The following ASCC3 variants were observed in gnomAD, a reference collection of about 807,000 sequenced individuals.
ASCC3 encodes activating signal cointegrator 1 complex subunit 3.
ASCC3 carries 158 observed loss-of-function variants against 256.3 expected under a neutral mutation model. That is an observed-to-expected ratio of 0.62 (90% CI 0.54 to 0.70). The LOEUF is 0.70. ASCC3 is among the 30% of genes least tolerant of loss of function. ASCC3 has a pLI of 0.00. For missense variants in ASCC3, 2,259 were observed against 2,626.0 expected, an observed-to-expected ratio of 0.86 and a Z score of 3.05; for synonymous variants, 948 against 883.4, an observed-to-expected ratio of 1.07 and a Z score of -1.30.
chr6:100,752,879 G>GA (rs1423713094), intron 10 of ASCC3, among the ~76,000 whole-genome samples: 1 of 151,756 alleles, frequency 6.6e-6, no homozygotes, highest in Non-Finnish European at 1.5e-5. Flanking sequence ...GAGTAAGTAT[G>GA]AAAAAAGGAG....
intron 29 of ASCC3, among the ~76,000 whole-genome samples, chr6:100,626,507 A>G (rs114532794): frequency 0.014 from 2,133 of 152,164 alleles, 39 homozygotes; most frequent in African/African-American, 0.049. Flanking sequence ...TGCTGATACC[A>G]TTTCTATGGA....
intron 4 of ASCC3, among the ~76,000 whole-genome samples, chr6:100,809,123 C>T (rs531492444): frequency 2.6e-4 from 39 of 151,608 alleles, no homozygotes; most frequent in Non-Finnish European, 4.7e-4. Context: ...AATGTACTAC[C>T]GTAGACTTTA....
chr6:100,725,777 G>T, intron 10 of ASCC3, 74 bp from the exon 11 acceptor site: 1 of 1,552,208 alleles, frequency 6.4e-7, no homozygotes, highest in Non-Finnish European at 8.9e-7. Flanking sequence ...TACTCAGAAA[G>T]AAATATTTTG....
At chr6:100,619,725 A>C (rs974866012) in intron 30 of ASCC3, among the ~76,000 whole-genome samples, 1 of 152,178 alleles carries the variant, frequency 6.6e-6, no homozygotes, top group Non-Finnish European at 1.5e-5. Flanking sequence ...AACATATTTT[A>C]ACTAATATAT....
At chr6:100,760,781 A>G (rs892143062) in intron 10 of ASCC3, among the ~76,000 whole-genome samples, 25 of 152,354 alleles carry the variant, frequency 1.6e-4, no homozygotes, top group Admixed American at 1.3e-3. Context: ...ATCCAGACAG[A>G]ACAGCAGAGC....
intron 10 of ASCC3, among the ~76,000 whole-genome samples, chr6:100,748,950 A>C (rs1222341645): frequency 6.6e-6 from 1 of 151,860 alleles, no homozygotes; most frequent in African/African-American, 2.4e-5. Flanking sequence ...ACCAGACCCA[A>C]GGAATCTCTG....
chr6:100,674,455 C>A (rs533214744), intron 14 of ASCC3, among the ~76,000 whole-genome samples: 3 of 152,096 alleles, frequency 2.0e-5, no homozygotes, highest in African/African-American at 7.2e-5. Context: ...AACCTGCTTA[C>A]TGCTTTTTAC....
chr6:100,726,253 C>A (rs902836268), intron 10 of ASCC3, among the ~76,000 whole-genome samples: 1 of 151,698 alleles, frequency 6.6e-6, no homozygotes, highest in African/African-American at 2.4e-5. Context: ...AAAAAGACAC[C>A]ATAATTCTCC....
At chr6:100,867,746 A>C (rs705604) in intron 2 of ASCC3, among the ~76,000 whole-genome samples, 162 bp downstream of exon 2, 107,363 of 152,026 alleles carry the variant, frequency 0.71, 38,143 homozygotes, top group East Asian at 0.75. Context: ...CGTAAGTATT[A>C]CCATAGTAAA....
chr6:100,588,821 A>G (rs1420936507), intron 36 of ASCC3, among the ~76,000 whole-genome samples: 1 of 152,130 alleles, frequency 6.6e-6, no homozygotes, highest in Non-Finnish European at 1.5e-5. Flanking sequence ...GAAAAAAGTT[A>G]CTAAGTGAAC....
chr6:100,685,802 A>C (rs1313776382), intron 13 of ASCC3, among the ~76,000 whole-genome samples: 2 of 152,244 alleles, frequency 1.3e-5, no homozygotes, highest in Admixed American at 1.3e-4. Context: ...TATCAGGTAG[A>C]TACAATTTTA....
chr6:100,613,015 T>C (rs77408170), intron 30 of ASCC3, among the ~76,000 whole-genome samples: 2,124 of 152,112 alleles, frequency 0.014, 39 homozygotes, highest in African/African-American at 0.049. Flanking sequence ...TACACAATAC[T>C]ATTTTCAATG....
intron 24 of ASCC3, among the ~76,000 whole-genome samples, chr6:100,642,245 G>A (rs1441649746): frequency 6.6e-6 from 1 of 151,526 alleles, no homozygotes; most frequent in Non-Finnish European, 1.5e-5. Flanking sequence ...CCATTCCATA[G>A]TGATACCATA....
chr6:100,632,120 G>A (rs908026052), intron 25 of ASCC3, among the ~76,000 whole-genome samples: 7 of 147,528 alleles, frequency 4.7e-5, no homozygotes, highest in East Asian at 2.0e-4. Context: ...AATTCAATAC[G>A]CTTGAAGGAC....
chr6:100,871,489 C>G (rs1239688545), intron 1 of ASCC3, among the ~76,000 whole-genome samples: 2 of 152,080 alleles, frequency 1.3e-5, no homozygotes, highest in Non-Finnish European at 2.9e-5. Flanking sequence ...GGACTGGGGG[C>G]CAGGCACAGT....
At chr6:100,746,778 G>C (rs1396606679) in intron 10 of ASCC3, among the ~76,000 whole-genome samples, 8 of 152,084 alleles carry the variant, frequency 5.3e-5, no homozygotes, top group African/African-American at 1.9e-4. Flanking sequence ...GACTTAACCA[G>C]ATTTCAAAAC....
At chr6:100,854,260 T>C (rs1484286914) in intron 3 of ASCC3, among the ~76,000 whole-genome samples, 2 of 152,002 alleles carry the variant, frequency 1.3e-5, no homozygotes, top group African/African-American at 4.8e-5. Context: ...ATGTGGCTTT[T>C]GGGGGAATAA....
chr6:100,623,549 T>C (rs1346201983), intron 30 of ASCC3, among the ~76,000 whole-genome samples: 1 of 152,038 alleles, frequency 6.6e-6, no homozygotes, highest in Non-Finnish European at 1.5e-5. Context: ...TGGGCACCAG[T>C]GGATTTGGAA....
intron 30 of ASCC3, among the ~76,000 whole-genome samples, chr6:100,614,916 A>G (rs575767803): frequency 9.9e-5 from 15 of 152,232 alleles, no homozygotes; most frequent in African/African-American, 3.4e-4. Flanking sequence ...TTAAACTAAA[A>G]TATTACCTTT....
Sources: gnomAD v4.1 joint callset for allele counts (sites outside exome capture counted in the v4.1 genomes callset) on GRCh38, gnomAD v4.1.1 for gene constraint, MANE v1.5 for transcripts, NCBI Gene and HGNC (gene_info 2026-07-23, HGNC 2026-07-21) for gene names.